Variants in ACSS1 observed in about 807,000 individuals in gnomAD.
The protein encoded by ACSS1 is acetyl-coenzyme A synthetase 2-like, mitochondrial.
In ACSS1, 42 loss-of-function variants were observed where a neutral mutation model predicts 75.3. That is an observed-to-expected ratio of 0.56 (90% CI 0.44 to 0.72). The LOEUF is 0.72. Ranked by LOEUF, ACSS1 falls within the 30% of genes least tolerant of loss-of-function variation. The pLI, the probability that ACSS1 is intolerant of heterozygous loss-of-function variation, is 0.00. For missense variants in ACSS1, 782 were observed against 935.7 expected (o/e 0.84, Z 2.14); for synonymous variants, 380 against 376.8 (o/e 1.01, Z -0.10).
intron 7 of ACSS1, among the ~76,000 whole-genome samples, chr20:25,017,561 C>G (rs1401056623): frequency 6.6e-6 from 1 of 152,222 alleles, no homozygotes; most frequent in Non-Finnish European, 1.5e-5. Flanking sequence ...CCGCAGGGCT[C>G]TGCGGCTAGA....
chr20:25,031,733 T>TG lies in ACSS1; in HGVS notation c.432-776dup, dbSNP rs1201429101. ...CAAGAACCCTCTCCTGGGATCCGGA[T>TG]GGGGACCCCTTTTTCCAGCAGCAGC... On this transcript the variant is annotated intron_variant, in intron 2 of 13. Coordinates refer to ENST00000323482, the MANE Select transcript of ACSS1 (RefSeq NM_032501.4). 4.6e-5 allele frequency among the ~76,000 whole-genome samples: 7 copies of TG among 152,208 alleles called. No homozygotes were observed. In the East Asian group the frequency reaches 1.3e-3, roughly 29 times the overall value.
chr20:25,012,707 G>A (rs773578039), intron 11 of ACSS1, 43 bp from the exon 12 acceptor site: 79 of 1,613,884 alleles, frequency 4.9e-5, no homozygotes, highest in Middle Eastern at 1.6e-4. Flanking sequence ...TGGCGGCCCC[G>A]GGTGCTAGAA....
chr20:25,008,713 C>T (rs1410129376), intron 13 of ACSS1, among the ~76,000 whole-genome samples: 1 of 152,198 alleles, frequency 6.6e-6, no homozygotes, highest in Non-Finnish European at 1.5e-5. Flanking sequence ...TCCTTCACTG[C>T]CACCAGGAAA....
In ACSS1 at chr20:25,030,907, TC is replaced by T; in HGVS notation, c.482del (p.Gly161GlufsTer71). On this transcript the variant is annotated frameshift_variant, in exon 3 of 14. Coordinates refer to ENST00000323482, the MANE Select transcript of ACSS1 (RefSeq NM_032501.4). LOFTEE classifies it high-confidence loss of function. ...TGGCAACACGGTCCCCACGGTGGAC[TC>T]CATGCCTCTTCAGCGTGTTGGCCAG... ...CRLANTLKRH[G>X]VHRGDRVAIY... 1 of 1,614,234 alleles carries T rather than the reference TC, an allele frequency of 6.2e-7. No individual in the cohort carries two copies. Among genetic ancestry groups the T allele is most frequent in the Non-Finnish European group, 8.5e-7 (1 of 1,180,040 alleles).
rs750609217 is a variant in ACSS1, at chr20:25,023,073, G to C, written c.827C>G (p.Pro276Arg). The change falls in exon 5 of 14, where the codon CCT (proline) becomes CGT (arginine). Residue 276 changes from proline to arginine, a missense_variant. Transcript: ENST00000323482. Reference protein sequence around the residue: ...PLEQEMAKEDPVCAPESMGSE... With the variant: ...PLEQEMAKEDRVCAPESMGSE... ...GCCCATGCTCTCTGGGGCGCAAACA[G>C]GGTCCTCCTTGGCCATTTCCTGGCA... is the stretch of plus-strand genomic sequence containing the variant. 1 of 1,613,202 alleles carries C rather than the reference G, an allele frequency of 6.2e-7. No individual in the cohort carries two copies. Among genetic ancestry groups the C allele is most frequent in the East Asian group, 2.2e-5 (1 of 44,870 alleles).
intron 1 of ACSS1, among the ~76,000 whole-genome samples, chr20:25,050,670 G>A (rs55684216): frequency 0.059 from 8,963 of 151,984 alleles, 288 homozygotes; most frequent in Non-Finnish European, 0.067. Context: ...TGGACACTTC[G>A]CCTTGGCATT....
intron 7 of ACSS1, among the ~76,000 whole-genome samples, chr20:25,017,376 C>A (rs2088537131): frequency 6.6e-6 from 1 of 152,194 alleles, no homozygotes; most frequent in South Asian, 2.1e-4. Flanking sequence ...GGAATTGCAC[C>A]GACAGGTGTG....
At position 25,035,155 on chromosome 20, in the gene ACSS1, G is replaced by A. The variant is rs375213172; in HGVS notation, c.432-4197C>T. Among the ~76,000 whole-genome samples the A allele has an allele frequency of 9.2e-5, 14 of 151,476 alleles. No homozygotes were observed. In the East Asian group the frequency reaches 2.4e-3, roughly 26 times the overall value. On this transcript the variant is annotated intron_variant, in intron 2 of 13. Coordinates refer to ENST00000323482, the MANE Select transcript of ACSS1 (RefSeq NM_032501.4). ...CATGATCCACCTGCCTTGGCCTCCC[G>A]AAGTGCTGGGATTACAGGTGTGAGC...
chr20:25,045,299 G>A (rs896437727), intron 2 of ACSS1, among the ~76,000 whole-genome samples: 5 of 152,160 alleles, frequency 3.3e-5, no homozygotes, highest in Non-Finnish European at 7.4e-5. Flanking sequence ...TCTTTCTGCT[G>A]ACCCTGCACC....
chr20:25,051,209 C>T (rs1374115472), intron 1 of ACSS1, among the ~76,000 whole-genome samples: 1 of 152,230 alleles, frequency 6.6e-6, no homozygotes, highest in Non-Finnish European at 1.5e-5. Context: ...AGACCCTGCG[C>T]ATCCCCCAAC....
chr20:25,014,829 G>A (rs1003052142), intron 8 of ACSS1, among the ~76,000 whole-genome samples: 2 of 152,190 alleles, frequency 1.3e-5, no homozygotes, highest in Non-Finnish European at 2.9e-5. Context: ...CTGCACACCA[G>A]GCCTTGGGCA....
chr20:25,038,078 G>A (rs543934054), intron 2 of ACSS1, among the ~76,000 whole-genome samples: 32 of 152,310 alleles, frequency 2.1e-4, no homozygotes, highest in Middle Eastern at 3.4e-3. Flanking sequence ...GGGCCAAGGC[G>A]GGCCCAGGCA....
chr20:25,012,970 G>A (rs778045212), intron 10 of ACSS1, 31 bp from the exon 11 acceptor site: 7 of 1,613,766 alleles, frequency 4.3e-6, no homozygotes, highest in Non-Finnish European at 5.9e-6. Flanking sequence ...TCAGCACCAG[G>A]AACCCTGAGC....
Position 25,015,159 on chromosome 20 carries a change from C to A in ACSS1, c.1318G>T (p.Val440Leu), listed in dbSNP as rs757134791. The A allele has an allele frequency of 1.9e-6, 3 of 1,612,512 alleles. No individual in the cohort carries two copies. In the East Asian group the frequency reaches 6.7e-5, roughly 36 times the overall value. ...TCACCTGTCTGCCACCAGGTGTCCA[C>A]CAGCGTGCACCTGCTGTCCCCCACC... ...RVVGDSRCTL[V>L]DTWWQTETGG... is the part of the protein sequence containing the mutation. The change falls in exon 8 of 14, where the codon GTG (valine) becomes TTG (leucine). Residue 440 changes from valine (V) to leucine (L), a missense_variant. Physicochemically the swap from Val to Leu is conservative, Grantham distance 32. Transcript: ENST00000323482.
chr20:25,041,523 A>T (rs2089004363), intron 2 of ACSS1, among the ~76,000 whole-genome samples: 1 of 152,152 alleles, frequency 6.6e-6, no homozygotes, highest in Non-Finnish European at 1.5e-5. Flanking sequence ...CTTGCAGCTC[A>T]TCCCTGTTCA....
intron 13 of ACSS1, 22 bp from the exon 14 acceptor site, chr20:25,007,963 G>A: frequency 6.2e-7 from 1 of 1,611,958 alleles, no homozygotes; most frequent in African/African-American, 1.3e-5. Flanking sequence ...CAGGCACAGT[G>A]TTAGAGCGTG....
Position 25,053,160 on chromosome 20 carries a change from C to T in ACSS1, c.334+4609G>A, listed in dbSNP as rs1467072060. Among the ~76,000 whole-genome samples, 3 of 149,280 alleles carry T rather than the reference C, an allele frequency of 2.0e-5. No individual in the cohort carries two copies. In the Admixed American group the frequency reaches 2.0e-4, roughly 10 times the overall value. On this transcript the variant is annotated intron_variant, in intron 1 of 13. Transcript: ENST00000323482. ...CTCACTGCAACCTCCACCTCCTGGG[C>T]TCAAGGGATCCTCCCACCTCAGCCT... is the stretch of plus-strand genomic sequence containing the variant.
At chr20:25,023,173 C>A (rs762899469) in intron 4 of ACSS1, 81 bp from the exon 5 acceptor site, 6 of 1,489,512 alleles carry the variant, frequency 4.0e-6, no homozygotes, top group Non-Finnish European at 5.4e-6. Context: ...CAGCAGGACT[C>A]CACACACAGG....
intron 4 of ACSS1, 79 bp from the exon 5 acceptor site, chr20:25,023,171 C>A: frequency 1.3e-6 from 2 of 1,500,354 alleles, no homozygotes; most frequent in South Asian, 1.3e-5. Flanking sequence ...CGCAGCAGGA[C>A]TCCACACACA....
Sources: allele counts gnomAD v4.1 joint callset (sites outside exome capture counted in the v4.1 genomes callset), GRCh38; gene constraint gnomAD v4.1.1; transcripts MANE v1.5; gene names NCBI Gene and HGNC (gene_info 2026-07-23, HGNC 2026-07-21).